ACAN: variants seen among roughly 807,000 people sequenced by gnomAD.
ACAN encodes the protein aggrecan core protein.
In ACAN, 47 loss-of-function variants were observed where a neutral mutation model predicts 169.1. The observed-to-expected ratio is 0.28, with a 90% CI of 0.22 to 0.35. The LOEUF is 0.35. Among genes scored for constraint, ACAN ranks in the 10% least tolerant of loss-of-function variants. ACAN has a pLI of 1.00. For missense variants in ACAN, 2,716 were observed against 2,759.9 expected (o/e 0.98, Z 0.36); for synonymous variants, 1,115 against 1,112.2 (o/e 1.00, Z -0.05).
Position 88,858,818 on chromosome 15 carries a change from A to T in ACAN, c.6233A>T (p.Asp2078Val), listed in dbSNP as rs1207126105. ...AGTGGAAAAGTCTCCACAGCTGGGG[A>T]CATTAGTGGAGCTACCCCAGTGCTC... ...ESSGKVSTAG[D>V]ISGATPVLPG... The change falls in exon 12 of 19, where the codon GAC becomes GTC. Residue 2078 changes from aspartate to valine, a missense_variant. Asp to Val is a radical substitution (Grantham distance 152). This residue lies in a region of ACAN where 1,389 missense variants were observed against 1,363.7 expected (regional missense o/e 1.02). Transcript: ENST00000560601. The surrounding 1 kb of genome is among the most constrained non-coding windows in gnomAD (Gnocchi z 4.0). The T allele has an allele frequency of 6.2e-7, 1 of 1,613,670 alleles. No individual in the cohort carries two copies. The highest frequency in any genetic ancestry group is 8.5e-7 in the Non-Finnish European group (1 of 1,179,840).
Position 88,858,074 on chromosome 15 carries a change from C to T in ACAN, c.5489C>T (p.Thr1830Ile), listed in dbSNP as rs773018294. 3 of 1,613,866 alleles carry T rather than the reference C, an allele frequency of 1.9e-6. No individual in the cohort carries two copies. Among genetic ancestry groups the T allele is most frequent in the Admixed American group, 1.7e-5 (1 of 60,014 alleles). ...GGCAGCGGTGAATCTTCTGGGATTA[C>T]ATTTGTGGACACCAGTTTGGTTGAA... ...TSGSGESSGI[T>I]FVDTSLVEVA... is the part of the protein sequence containing the mutation. The change falls in exon 12 of 19, where the codon ACA becomes ATA. Residue 1830 changes from threonine to isoleucine, a missense_variant. This residue lies in a region of ACAN where 1,389 missense variants were observed against 1,363.7 expected (regional missense o/e 1.02). Transcript: ENST00000560601. The surrounding 1 kb of genome is among the most constrained non-coding windows in gnomAD (Gnocchi z 4.0).
Position 88,851,783 on chromosome 15 carries a change from A to G in ACAN, c.2027-11A>G, listed in dbSNP as rs747572574. On this transcript the variant is annotated splice_polypyrimidine_tract_variant and intron_variant, in intron 10 of 18. Coordinates refer to ENST00000560601, the MANE Select transcript of ACAN (RefSeq NM_001369268.1). The surrounding 1 kb of genome is among the most constrained non-coding windows in gnomAD (Gnocchi z 4.3). ...AGAGGGACTCACTCTGACCACCCAC[A>G]TCTCCTTTAGGCATTTCAGCGGTTC... is the stretch of plus-strand genomic sequence containing the variant. 1.9e-6 allele frequency: 3 copies of G among 1,570,126 alleles called. No homozygotes were observed. Among genetic ancestry groups the G allele is most frequent in the Admixed American group, 1.9e-5 (1 of 53,370 alleles).
rs1896556997 is a variant in ACAN at position 88,838,306 on chromosome 15, T to C, written c.71-357T>C. On this transcript the variant is annotated intron_variant, in intron 2 of 18. Transcript: ENST00000560601. The surrounding 1 kb of genome is among the most constrained non-coding windows in gnomAD (Gnocchi z 5.1). ...GAGTTAAGCTGTCACTCCAAGGAGA[T>C]GGGTCCTGTTTTATTCCACGCTTTG... Among the ~76,000 whole-genome samples the C allele has an allele frequency of 6.6e-6, 1 of 152,172 alleles. No individual in the cohort carries two copies. The highest frequency in any genetic ancestry group is 1.5e-5 in the Non-Finnish European group (1 of 68,038).
intron 1 of ACAN, among the ~76,000 whole-genome samples, chr15:88,833,969 A>T (rs553403613): frequency 7.2e-4 from 110 of 152,268 alleles, no homozygotes; most frequent in Admixed American, 2.3e-3. Flanking sequence ...AGGCTCTGGG[A>T]AGAGAGGAGC....
chr15:88,871,311 T>A lies in ACAN; in HGVS notation c.7061-71T>A, dbSNP rs1897372673. ...GGGGTGAACGCAGGAACCTATGCCA[T>A]AAGACTGGCAGCATCTGCCATCCCC... On this transcript the variant is annotated intron_variant, in intron 14 of 18. Transcript: ENST00000560601. This position sits in a 1 kb window ranked among gnomAD's most constrained non-coding sequence, Gnocchi z 7.8. 1.9e-6 allele frequency: 3 copies of A among 1,599,536 alleles called. No individual in the cohort carries two copies. Among genetic ancestry groups the A allele is most frequent in the Admixed American group, 1.7e-5 (1 of 59,486 alleles).
intron 4 of ACAN, among the ~76,000 whole-genome samples, chr15:88,840,865 C>A (rs1032189470): frequency 1.3e-5 from 2 of 152,068 alleles, no homozygotes; most frequent in African/African-American, 2.4e-5. Context: ...CTGGACTCAG[C>A]CGGGCGCAGT....
At position 88,823,637 on chromosome 15, in the gene ACAN, G is replaced by A. The variant is rs376214799; in HGVS notation, c.-7-12563G>A. ...CACCCTTCTACAGGCACATGCTTTG[G>A]GGCCATCCACGGCTGCAGCCACCCC... On this transcript the variant is annotated intron_variant, in intron 1 of 18. Transcript: ENST00000560601. Among the ~76,000 whole-genome samples, 6 of 152,142 alleles carry A rather than the reference G, an allele frequency of 3.9e-5. No individual in the cohort carries two copies. The East Asian group carries it at 9.7e-4, about 25-fold the overall frequency.
At chr15:88,829,625 T>G (rs1174263598) in intron 1 of ACAN, among the ~76,000 whole-genome samples, 2 of 152,194 alleles carry the variant, frequency 1.3e-5, no homozygotes, top group African/African-American at 4.8e-5. Context: ...ATTGGGAGAT[T>G]AGGCTGCAAA....
At position 88,851,906 on chromosome 15, in the gene ACAN, C is replaced by T. The variant is rs777469734; in HGVS notation, c.2139C>T (p.Pro713=). The change falls in exon 11 of 19, where the codon CCC becomes CCT. Residue 713 remains proline (P), a synonymous_variant. Transcript: ENST00000560601. This position sits in a 1 kb window ranked among gnomAD's most constrained non-coding sequence, Gnocchi z 4.3. ...TQVVPGVAAV[P]VEEETTAVPS... ...TGGTTCCTGGTGTGGCTGCTGTCCC[C>T]GTAGAAGAGGAGACAACTGCTGTAC... 3.3e-5 allele frequency: 54 copies of T among 1,612,256 alleles called. No homozygotes were observed. The highest frequency in any genetic ancestry group is 1.6e-4 in the Middle Eastern group (1 of 6,084).
chr15:88,853,917 C>T (rs1364441447), intron 11 of ACAN, among the ~76,000 whole-genome samples: 3 of 151,498 alleles, frequency 2.0e-5, no homozygotes, highest in Non-Finnish European at 2.9e-5. Flanking sequence ...CTCCTCTCAG[C>T]AAGAACAAAC....
At position 88,871,413 on chromosome 15, in the gene ACAN, G is replaced by A. The variant is rs368979713; in HGVS notation, c.7092G>A (p.Lys2364=). The part of the protein sequence containing the change: ...DQEVCEEGWN[K]YQGHCYRHFP... ...AGGTATGTGAGGAGGGCTGGAACAA[G>A]TACCAGGGCCACTGTTACCGCCACT... is the stretch of plus-strand genomic sequence containing the variant. The change falls in exon 15 of 19, where the codon AAG becomes AAA. Residue 2364 remains lysine (K), a synonymous_variant. Coordinates refer to ENST00000560601, the MANE Select transcript of ACAN (RefSeq NM_001369268.1). This position sits in a 1 kb window ranked among gnomAD's most constrained non-coding sequence, Gnocchi z 7.8. 1.3e-3 allele frequency: 2,066 copies of A among 1,613,948 alleles called. 2 individuals carry two copies. The highest frequency in any genetic ancestry group is 1.7e-3 in the Non-Finnish European group (1,948 of 1,179,894).
In ACAN at chr15:88,858,061, T is replaced by C; in HGVS notation, c.5476T>C (p.Ser1826Pro). 1.2e-6 allele frequency: 2 copies of C among 1,613,914 alleles called. No individual in the cohort carries two copies. The highest frequency in any genetic ancestry group is 1.7e-6 in the Non-Finnish European group (2 of 1,179,890). The change falls in exon 12 of 19, where the codon TCT becomes CCT. Residue 1826 changes from serine to proline, a missense_variant. By Grantham distance (74) the Ser-to-Pro change is moderately conservative. Transcript: ENST00000560601. The surrounding 1 kb of genome is among the most constrained non-coding windows in gnomAD (Gnocchi z 4.0). Reference sequence around the variant, plus strand: ...TGGTACCACGAGTGGCAGCGGTGAATCTTCTGGGATTACATTTGTGGACAC... The same window carrying C: ...TGGTACCACGAGTGGCAGCGGTGAACCTTCTGGGATTACATTTGTGGACAC... ...VSGTTSGSGESSGITFVDTSL... is the reference protein window; with the variant it reads ...VSGTTSGSGEPSGITFVDTSL...
In ACAN at chr15:88,854,869, C is replaced by G; in HGVS notation, c.2284C>G (p.Pro762Ala). ...TCCTACAGGGATCCTTCCTACTTGG[C>G]CTCCCACTGGCGCAGCAACAGAGGA... is the stretch of plus-strand genomic sequence containing the variant. ...SPLPGILPTWPPTGAATEEST... is the reference protein window; with the variant it reads ...SPLPGILPTWAPTGAATEEST... Residue 762 changes from proline to alanine, a missense_variant, in exon 12 of 19, where the codon CCT becomes GCT. Physicochemically the swap from Pro to Ala is conservative, Grantham distance 27 (BLOSUM62 -1). Transcript: ENST00000560601. The G allele has an allele frequency of 6.7e-7, 1 of 1,495,942 alleles. No homozygotes were observed. The highest frequency in any genetic ancestry group is 8.9e-7 in the Non-Finnish European group (1 of 1,125,468). 92.7% of individuals were successfully genotyped at this position (1,495,942 alleles called of 1,614,324 possible). A position where few individuals can be genotyped will look rare whatever the true frequency, so the allele number is the denominator to read the frequency against.
intron 1 of ACAN, among the ~76,000 whole-genome samples, chr15:88,820,048 G>A (rs1255622184): frequency 6.6e-6 from 1 of 152,176 alleles, no homozygotes; most frequent in Non-Finnish European, 1.5e-5. Flanking sequence ...ACTAATCACA[G>A]TGTGCCCCTC....
chr15:88,803,948 A>T (rs1405557676), intron 1 of ACAN, 139 bp downstream of exon 1: 1 of 152,332 alleles, frequency 6.6e-6, no homozygotes, highest in Non-Finnish European at 1.5e-5. Flanking sequence ...CCGGGGGCGC[A>T]GCACATCCAC....
In ACAN at chr15:88,873,938, C is replaced by T. The variant is rs1207580644; in HGVS notation, c.7544C>T (p.Thr2515Ile). Residue 2515 changes from threonine to isoleucine, a missense_variant, in exon 18 of 19, where the codon ACA becomes ATA. By Grantham distance (89) the Thr-to-Ile change is moderately conservative. Transcript: ENST00000560601. The surrounding 1 kb of genome is among the most constrained non-coding windows in gnomAD (Gnocchi z 7.5). ...EINSLVRYQC[T>I]EGFVQRHMPT... ...AATTCCCTGGTGCGGTACCAGTGCACAGAGGGGTTTGTCCAGCGCCACATG... is the reference window on the plus strand; with the variant it reads ...AATTCCCTGGTGCGGTACCAGTGCATAGAGGGGTTTGTCCAGCGCCACATG... The T allele has an allele frequency of 6.2e-7, 1 of 1,613,694 alleles. No individual in the cohort carries two copies. The highest frequency in any genetic ancestry group is 1.7e-5 in the Admixed American group (1 of 60,026).
intron 1 of ACAN, among the ~76,000 whole-genome samples, chr15:88,804,730 A>G (rs1489262974): frequency 6.6e-6 from 1 of 152,150 alleles, no homozygotes; most frequent in Admixed American, 6.5e-5. Flanking sequence ...TCCAACCCAA[A>G]CTTTTCCATC....
intron 1 of ACAN, among the ~76,000 whole-genome samples, chr15:88,823,790 C>T (rs1245338558): frequency 6.6e-6 from 1 of 152,178 alleles, no homozygotes; most frequent in African/African-American, 2.4e-5. Flanking sequence ...CCCTAGATGT[C>T]TCTGGGGTCA....
intron 13 of ACAN, among the ~76,000 whole-genome samples, chr15:88,864,567 TA>T (rs1296875942): frequency 6.6e-5 from 10 of 152,218 alleles, no homozygotes; most frequent in Admixed American, 6.5e-4. Context: ...GCTGGGCCTA[TA>T]TTTTTAATTT....
Sources: gnomAD v4.1 joint callset for allele counts (sites outside exome capture counted in the v4.1 genomes callset) on GRCh38, gnomAD v4.1.1 for gene constraint, gnomAD v4.1.1 regional missense constraint, Gnocchi (gnomAD v3.1) non-coding constraint, MANE v1.5 for transcripts, NCBI Gene and HGNC (gene_info 2026-07-23, HGNC 2026-07-21) for gene names.